The following TMEM165 variants were observed in gnomAD, a reference collection of about 807,000 sequenced individuals.
TMEM165 encodes transmembrane protein 165.
A neutral mutation model predicts 30.0 loss-of-function variants in TMEM165; 19 were observed. The observed-to-expected ratio is 0.63, with a 90% CI of 0.44 to 0.93. The LOEUF (loss-of-function observed/expected upper bound fraction) is 0.93, where lower values mean the gene tolerates loss of function less well. Ranked by LOEUF, TMEM165 falls within the 40% of genes least tolerant of loss-of-function variation. The pLI is 0.00. For synonymous variants in TMEM165, 168 were observed against 162.9 expected, an observed-to-expected ratio of 1.03 and a Z score of -0.24; for missense variants, 340 against 417.0, an observed-to-expected ratio of 0.82 and a Z score of 1.61.
chr4:55,420,106 A>AAAAAAAAAAAAAAAAAAATATATATATAT (rs1474254120), intron 4 of TMEM165, among the ~76,000 whole-genome samples: 1 of 45,446 alleles, frequency 2.2e-5, no homozygotes, highest in African/African-American at 8.3e-5. Context: ...AAGAAAAAAA[A>AAAAAAAAAAAAAAAAAAATATATATATAT]ATATATATAT....
intron 1 of TMEM165, among the ~76,000 whole-genome samples, chr4:55,400,332 ATATAATATTAATTATATTATAT>A (rs1720936140): frequency 1.3e-5 from 1 of 75,286 alleles, no homozygotes; most frequent in Non-Finnish European, 2.5e-5. Flanking sequence ...ATTATATATA[ATATAATATTAATTATATTATAT>A]TAATATAATT....
intron 3 of TMEM165, among the ~76,000 whole-genome samples, chr4:55,451,146 T>G (rs956574528): frequency 7.9e-5 from 12 of 152,078 alleles, no homozygotes; most frequent in Admixed American, 2.0e-4. Flanking sequence ...CTGTCCCTAA[T>G]TCCCCCATCC....
At chr4:55,450,697 A>C (rs906124603) in intron 3 of TMEM165, among the ~76,000 whole-genome samples, 6 of 152,002 alleles carry the variant, frequency 3.9e-5, no homozygotes, top group Non-Finnish European at 7.4e-5. Context: ...TGAACTGAGG[A>C]GGCGGAGGAT....
chr4:55,414,008 C>T (rs941264439), intron 2 of TMEM165, among the ~76,000 whole-genome samples: 13 of 152,174 alleles, frequency 8.5e-5, no homozygotes, highest in African/African-American at 2.9e-4. Context: ...GTGGCTCACG[C>T]CTGTGATCCC....
chr4:55,427,506 C>CTAA (rs1345913392), downstream of TMEM165, among the ~76,000 whole-genome samples: 2 of 151,320 alleles, frequency 1.3e-5, no homozygotes, highest in African/African-American at 4.8e-5. Flanking sequence ...CCACGCCTGG[C>CTAA]TAATTTTTTT....
In TMEM165 at chr4:55,402,119, C is replaced by CAAAAAAAAAAAAAAAA. The variant is rs71194551; in HGVS notation, c.207+5735_207+5736insAAAAAAAAAAAAAAAA. On this transcript the variant is annotated intron_variant, in intron 1 of 5. Coordinates refer to ENST00000381334, the MANE Select transcript of TMEM165 (RefSeq NM_018475.5). Reference sequence around the variant, plus strand: ...GGCAACAAGAGCAAAACTCTGTCTCCAAAAAAAAAAAAGAAACTAAACACA... The same window carrying CAAAAAAAAAAAAAAAA: ...GGCAACAAGAGCAAAACTCTGTCTCCAAAAAAAAAAAAAAAAAAAAAAAAAAAAGAAACTAAACACA... Among the ~76,000 whole-genome samples, 72 of 106,956 alleles carry CAAAAAAAAAAAAAAAA rather than the reference C, an allele frequency of 6.7e-4. 2 individuals are homozygous for CAAAAAAAAAAAAAAAA. Among genetic ancestry groups the CAAAAAAAAAAAAAAAA allele is most frequent in the African/African-American group, 3.3e-3 (68 of 20,468 alleles). The allele number at this position is 106,956 out of a possible 152,430, so 70.2% of individuals were successfully genotyped here.
intron 3 of TMEM165, among the ~76,000 whole-genome samples, chr4:55,435,878 C>G (rs995224194): frequency 3.3e-5 from 5 of 152,182 alleles, no homozygotes; most frequent in Non-Finnish European, 5.9e-5. Flanking sequence ...CACGTTCTTT[C>G]ACTTTATGTC....
intron 1 of TMEM165, among the ~76,000 whole-genome samples, chr4:55,410,701 G>A (rs192681589): frequency 2.0e-5 from 3 of 152,330 alleles, no homozygotes; most frequent in Non-Finnish European, 4.4e-5. Context: ...GTCCTTCAGA[G>A]TGTTAATGAA....
At chr4:55,428,786 AC>A (rs1722342074), downstream of TMEM165, 1 of 149,802 alleles carries the variant, frequency 6.7e-6, no homozygotes, top group Admixed American at 6.6e-5. Flanking sequence ...CAAAGGTAAA[AC>A]TTTTTTTTTT....
chr4:55,406,404 C>G (rs1392271280), intron 1 of TMEM165, among the ~76,000 whole-genome samples: 1 of 152,190 alleles, frequency 6.6e-6, no homozygotes, highest in Non-Finnish European at 1.5e-5. Context: ...AACCCCTGTT[C>G]TAGTCATTCT....
intron 3 of TMEM165, among the ~76,000 whole-genome samples, chr4:55,436,570 TG>T (rs1722892737): frequency 6.6e-6 from 1 of 152,204 alleles, no homozygotes; most frequent in Non-Finnish European, 1.5e-5. Flanking sequence ...GGAGCTGTGG[TG>T]GGCAATTTTT....
chr4:55,409,821 G>A (rs922544588), intron 1 of TMEM165, among the ~76,000 whole-genome samples: 13 of 152,156 alleles, frequency 8.5e-5, no homozygotes, highest in African/African-American at 2.2e-4. Flanking sequence ...CTTTGGGTGC[G>A]TCTTTGGAGA....
intron 3 of TMEM165, among the ~76,000 whole-genome samples, chr4:55,436,713 G>A (rs900854868): frequency 8.5e-5 from 13 of 152,122 alleles, no homozygotes; most frequent in Non-Finnish European, 4.4e-5. Context: ...AGGAAAAGCT[G>A]TGTAAGGCAA....
chr4:55,452,812 G>A (rs1724583917), exon 4 of TMEM165: 1 of 382,764 alleles, frequency 2.6e-6, no homozygotes, highest in Admixed American at 4.0e-5. Context: ...CCAGAGACTA[G>A]TACATCACTG....
At chr4:55,421,958 A>C (rs473005) in intron 4 of TMEM165, among the ~76,000 whole-genome samples, 93,038 of 152,080 alleles carry the variant, frequency 0.61, 29,350 homozygotes, top group South Asian at 0.81. Context: ...TCGCAAATCC[A>C]ACTCTTGCCC....
intron 5 of TMEM165, 118 bp from the exon 6 acceptor site, chr4:55,425,258 A>T (rs1195109084): frequency 2.7e-6 from 2 of 752,102 alleles, no homozygotes; most frequent in African/African-American, 1.8e-5. Context: ...ATTTGTTTTC[A>T]AGGTTAGTTT....
downstream of TMEM165, among the ~76,000 whole-genome samples, chr4:55,427,141 C>T (rs1294459334): frequency 2.6e-5 from 4 of 151,052 alleles, no homozygotes; most frequent in African/African-American, 7.3e-5. Context: ...TCAAGCAGTT[C>T]TCCTGCCTCA....
At chr4:55,444,253 T>G (rs12647677) in intron 3 of TMEM165, among the ~76,000 whole-genome samples, 1 of 151,994 alleles carries the variant, frequency 6.6e-6, no homozygotes, top group African/African-American at 2.4e-5. Flanking sequence ...GTTGGTCATA[T>G]AAGACTAATT....
intron 3 of TMEM165, chr4:55,443,932 TAGATTGA>T (rs1233713137): frequency 1.3e-6 from 2 of 1,580,206 alleles, no homozygotes; most frequent in Admixed American, 3.4e-5. Context: ...ATGAGCTTTG[TAGATTGA>T]AAAGAAGAAT....
Sources: allele counts gnomAD v4.1 joint callset (sites outside exome capture counted in the v4.1 genomes callset), GRCh38; gene constraint gnomAD v4.1.1; transcripts MANE v1.5; gene names NCBI Gene and HGNC (gene_info 2026-07-23, HGNC 2026-07-21).